Variants in CSMD1 observed in about 807,000 individuals in gnomAD.
CSMD1 encodes the protein CUB and sushi domain-containing protein 1.
CSMD1 carries 213 observed loss-of-function variants against 417.5 expected under a neutral mutation model. The observed-to-expected ratio is 0.51, with a 90% confidence interval of 0.46 to 0.57. CSMD1 has a LOEUF of 0.57. CSMD1 is among the 20% of genes least tolerant of loss of function. The pLI is 0.00. For synonymous variants in CSMD1, 2,862 were observed against 1,736.8 expected (o/e 1.65, Z -16.11); for missense variants, 6,923 against 4,529.7 (o/e 1.53, Z -15.17).
intron 1 of CSMD1, among the ~76,000 whole-genome samples, chr8:4,854,449 C>T (rs1801672105): frequency 6.6e-6 from 1 of 152,146 alleles, no homozygotes. Flanking sequence ...TCTACAGCTC[C>T]CACTGTGAGC....
At chr8:3,168,971 T>A (rs1366622571) in intron 37 of CSMD1, among the ~76,000 whole-genome samples, 1 of 152,192 alleles carries the variant, frequency 6.6e-6, no homozygotes. Context: ...ATTTTACTGG[T>A]GCAGAGAAAC....
chr8:4,969,032 C>T (rs1285330111), intron 1 of CSMD1, among the ~76,000 whole-genome samples: 7 of 152,180 alleles, frequency 4.6e-5, no homozygotes, highest in Non-Finnish European at 1.0e-4. Context: ...AGCCACTATT[C>T]ACTCTCCAGA....
At chr8:4,448,661 T>A (rs1798954997) in intron 2 of CSMD1, among the ~76,000 whole-genome samples, 1 of 152,232 alleles carries the variant, frequency 6.6e-6, no homozygotes, top group South Asian at 2.1e-4. Flanking sequence ...TATGTCAACA[T>A]CTGACTTTCT....
At chr8:3,787,431 C>A (rs35802013) in intron 5 of CSMD1, among the ~76,000 whole-genome samples, 51,843 of 151,862 alleles carry the variant, frequency 0.34, 9,132 homozygotes, top group Admixed American at 0.41. Flanking sequence ...AATTTCAATT[C>A]ATTTTCTAAA....
At chr8:3,094,800 C>CAAA (rs33991879) in intron 47 of CSMD1, among the ~76,000 whole-genome samples, 54 of 105,326 alleles carry the variant, frequency 5.1e-4, no homozygotes, top group East Asian at 1.1e-3. Flanking sequence ...GCCCGTCTTA[C>CAAA]AAAAAAAAAA....
At chr8:3,119,194 A>C (rs2129019471) in intron 41 of CSMD1, among the ~76,000 whole-genome samples, 1 of 152,184 alleles carries the variant, frequency 6.6e-6, no homozygotes, top group Non-Finnish European at 1.5e-5. Flanking sequence ...CCCAAAAAAA[A>C]GGAAATGCAA....
chr8:4,710,535 G>A (rs1338474497), intron 1 of CSMD1, among the ~76,000 whole-genome samples: 1 of 149,944 alleles, frequency 6.7e-6, no homozygotes, highest in Non-Finnish European at 1.5e-5. Context: ...AGAAGATGGT[G>A]GGGGTGGTTA....
At chr8:4,708,303 A>T (rs1247498085) in intron 1 of CSMD1, among the ~76,000 whole-genome samples, 1 of 152,120 alleles carries the variant, frequency 6.6e-6, no homozygotes, top group South Asian at 2.1e-4. Flanking sequence ...ATTTACATAG[A>T]CATGCATTTT....
chr8:3,021,991 A>AGGAATGCACCTGCAATCCCACAGCATCC (rs1809458680), intron 51 of CSMD1, among the ~76,000 whole-genome samples: 1 of 115,302 alleles, frequency 8.7e-6, no homozygotes, highest in African/African-American at 3.4e-5. Flanking sequence ...CCACAGCATC[A>AGGAATGCACCTGCAATCCCACAGCATCC]GGAATGCACC....
chr8:3,056,690 T>C (rs1812251419), intron 49 of CSMD1, among the ~76,000 whole-genome samples: 1 of 151,158 alleles, frequency 6.6e-6, no homozygotes, highest in Non-Finnish European at 1.5e-5. Flanking sequence ...TTTCTGAGGA[T>C]TTTTAAGTAT....
At chr8:4,035,381 G>A (rs565498316) in intron 3 of CSMD1, among the ~76,000 whole-genome samples, 1 of 152,190 alleles carries the variant, frequency 6.6e-6, no homozygotes, top group East Asian at 1.9e-4. Context: ...TTCAGAGTGT[G>A]CTTCTTCTAC....
chr8:3,038,261 A>G (rs1302347085), intron 50 of CSMD1, among the ~76,000 whole-genome samples: 1 of 152,198 alleles, frequency 6.6e-6, no homozygotes, highest in African/African-American at 2.4e-5. Flanking sequence ...AAGTTTTGCA[A>G]CTTTATTACC....
chr8:3,731,791 T>C (rs897377635), intron 6 of CSMD1, among the ~76,000 whole-genome samples: 2 of 152,158 alleles, frequency 1.3e-5, no homozygotes, highest in African/African-American at 4.8e-5. Context: ...TAAGTGCTTA[T>C]GTTTTGGACA....
Position 3,529,995 on chromosome 8 carries a change from C to T in CSMD1, c.1345-36269G>A, listed in dbSNP as rs185535526. On this transcript the variant is annotated intron_variant, in intron 10 of 69. Transcript: ENST00000635120. The stretch of plus-strand genomic sequence containing the variant: ...GTGCCATATGTCATTTTTGTTTCCC[C>T]ATGACAATTTAATTTTATCAGTGAT... Among the ~76,000 whole-genome samples, 41 of 151,966 alleles carry T rather than the reference C, an allele frequency of 2.7e-4. 2 individuals carry two copies. The East Asian group carries it at 7.5e-3, about 28-fold the overall frequency.
chr8:4,468,389 G>C (rs1006970643), intron 2 of CSMD1, among the ~76,000 whole-genome samples: 1 of 152,152 alleles, frequency 6.6e-6, no homozygotes, highest in Non-Finnish European at 1.5e-5. Context: ...ATAATATTTT[G>C]ATTTTAAACC....
At chr8:3,420,740 C>G (rs969369718) in intron 12 of CSMD1, among the ~76,000 whole-genome samples, 3 of 152,150 alleles carry the variant, frequency 2.0e-5, no homozygotes, top group African/African-American at 7.2e-5. Flanking sequence ...TCCTTTTAGG[C>G]ATAGGTTATG....
At chr8:4,031,201 C>T (rs1037242115) in intron 4 of CSMD1, among the ~76,000 whole-genome samples, 1 of 152,212 alleles carries the variant, frequency 6.6e-6, no homozygotes, top group Non-Finnish European at 1.5e-5. Flanking sequence ...GAGTACCCCA[C>T]TCCTGGTACC....
At chr8:3,914,222 A>T (rs954724718) in intron 5 of CSMD1, among the ~76,000 whole-genome samples, 10 of 152,152 alleles carry the variant, frequency 6.6e-5, no homozygotes, top group African/African-American at 2.4e-4. Flanking sequence ...GAGCACCTGC[A>T]AAAGGGCTAG....
intron 20 of CSMD1, among the ~76,000 whole-genome samples, chr8:3,363,355 G>C (rs1394299520): frequency 2.6e-5 from 4 of 152,098 alleles, no homozygotes; most frequent in Admixed American, 6.5e-5. Flanking sequence ...TTATGGGAAA[G>C]GAATAATTTT....
Sources: allele counts gnomAD v4.1 joint callset (sites outside exome capture counted in the v4.1 genomes callset), GRCh38; gene constraint gnomAD v4.1.1; transcripts MANE v1.5; gene names NCBI Gene and HGNC (gene_info 2026-07-23, HGNC 2026-07-21).